Variants in GLI3 observed in about 807,000 individuals in gnomAD.
GLI3 encodes GLI family zinc finger 3.
GLI3 carries 20 observed loss-of-function variants against 100.8 expected under a neutral mutation model. That is an observed-to-expected ratio of 0.20 (90% confidence interval 0.14 to 0.29). The LOEUF is 0.29. GLI3 is among the 10% of genes least tolerant of loss of function. The probability of loss-of-function intolerance (pLI) is 1.00; values close to 1 mark genes in which losing one functional copy is unlikely to be tolerated. For synonymous variants in GLI3, 938 were observed against 860.5 expected, an observed-to-expected ratio of 1.09 and a Z score of -1.58; for missense variants, 2,040 against 2,128.5, an observed-to-expected ratio of 0.96 and a Z score of 0.82.
intron 7 of GLI3, among the ~76,000 whole-genome samples, chr7:42,027,889 A>G (rs2128732784): frequency 6.6e-6 from 1 of 152,338 alleles, no homozygotes; most frequent in Non-Finnish European, 1.5e-5. Flanking sequence ...GCAGCGTTAT[A>G]GTTACTGCCA....
intron 2 of GLI3, among the ~76,000 whole-genome samples, chr7:42,206,706 A>G (rs1304974922): frequency 1.3e-5 from 2 of 152,246 alleles, no homozygotes; most frequent in African/African-American, 4.8e-5. Context: ...TACTCTGTGT[A>G]TAACATCTGA....
chr7:42,193,845 G>A (rs562093177), intron 2 of GLI3, among the ~76,000 whole-genome samples: 10 of 152,196 alleles, frequency 6.6e-5, no homozygotes, highest in African/African-American at 9.6e-5. Context: ...AGTTATCCAC[G>A]TTACCTACAA....
chr7:42,165,964 G>A (rs1219857866), intron 2 of GLI3, among the ~76,000 whole-genome samples: 1 of 152,144 alleles, frequency 6.6e-6, no homozygotes, highest in Admixed American at 6.5e-5. Flanking sequence ...TAGTGAAAAT[G>A]GAAGCAAAGT....
intron 2 of GLI3, 197 bp downstream of exon 2, chr7:42,222,933 A>T (rs1474040728): frequency 4.8e-6 from 3 of 620,870 alleles, no homozygotes; most frequent in Non-Finnish European, 5.8e-6. Flanking sequence ...TTGGAAGTCA[A>T]CGTGTAGGTT....
chr7:42,052,408 A>T (rs1784370104), intron 4 of GLI3, among the ~76,000 whole-genome samples: 2 of 152,220 alleles, frequency 1.3e-5, no homozygotes. Flanking sequence ...TAGTAAAATC[A>T]TAAAGTCACA....
At chr7:42,047,624 G>C (rs1784270452) in intron 5 of GLI3, among the ~76,000 whole-genome samples, 1 of 152,192 alleles carries the variant, frequency 6.6e-6, no homozygotes, top group Non-Finnish European at 1.5e-5. Context: ...CAAAGGACCA[G>C]TTTATAAGTT....
intron 2 of GLI3, among the ~76,000 whole-genome samples, chr7:42,202,365 C>T (rs961486581): frequency 1.3e-5 from 2 of 151,396 alleles, no homozygotes; most frequent in African/African-American, 2.4e-5. Context: ...CACACACACA[C>T]ACACACACAC....
intron 3 of GLI3, among the ~76,000 whole-genome samples, chr7:42,078,489 C>G (rs577514455): frequency 6.6e-6 from 1 of 152,238 alleles, no homozygotes; most frequent in South Asian, 2.1e-4. Context: ...TGTAATTCTA[C>G]AGTTTACCAC....
At chr7:42,002,660 A>G (rs1009485529) in intron 10 of GLI3, among the ~76,000 whole-genome samples, 1 of 152,218 alleles carries the variant, frequency 6.6e-6, no homozygotes, top group African/African-American at 2.4e-5. Flanking sequence ...TAAAATATTT[A>G]AATCTCTATC....
intron 4 of GLI3, among the ~76,000 whole-genome samples, chr7:42,055,284 C>T (rs989344892): frequency 1.3e-5 from 2 of 152,062 alleles, no homozygotes; most frequent in Non-Finnish European, 2.9e-5. Flanking sequence ...CCTAGAAACA[C>T]CACGTGACCC....
At chr7:42,146,220 T>C (rs1379329789) in intron 3 of GLI3, among the ~76,000 whole-genome samples, 1 of 152,196 alleles carries the variant, frequency 6.6e-6, no homozygotes, top group East Asian at 1.9e-4. Context: ...AATAATCCAC[T>C]ATGAATGCTG....
intron 3 of GLI3, among the ~76,000 whole-genome samples, chr7:42,092,907 G>A (rs1221026344): frequency 1.3e-5 from 2 of 151,810 alleles, no homozygotes; most frequent in African/African-American, 2.4e-5. Flanking sequence ...TCCGTCTCTG[G>A]AGTTCAAGCA....
At chr7:42,071,106 C>T (rs1784775481) in intron 4 of GLI3, among the ~76,000 whole-genome samples, 1 of 152,118 alleles carries the variant, frequency 6.6e-6, no homozygotes, top group Non-Finnish European at 1.5e-5. Flanking sequence ...TATTTAGGAG[C>T]TACCATATGT....
intron 7 of GLI3, among the ~76,000 whole-genome samples, chr7:42,035,681 A>C (rs1407512453): frequency 2.6e-5 from 4 of 152,244 alleles, no homozygotes; most frequent in Non-Finnish European, 5.9e-5. Flanking sequence ...TTGCCGGAAG[A>C]CTACAGAAGA....
intron 7 of GLI3, among the ~76,000 whole-genome samples, chr7:42,034,290 C>T (rs1789374734): frequency 6.6e-6 from 1 of 152,162 alleles, no homozygotes; most frequent in Non-Finnish European, 1.5e-5. Context: ...ACTCAGAGTT[C>T]GACCCACCAG....
Position 42,148,332 on chromosome 7 carries a change from C to A in GLI3, c.261G>T (p.Lys87Asn). The change falls in exon 3 of 15, where the codon AAG becomes AAT. Residue 87 changes from lysine to asparagine, a missense_variant. By Grantham distance (94) the Lys-to-Asn change is moderately conservative (BLOSUM62 0). Transcript: ENST00000395925. ...GTGGCAGGGACCCATGGATCTCTTT[C>A]TTGATCAATGAGGCCCTCTCGTCAC... Reference protein sequence around the residue: ...TSSDERASLIKKEIHGSLPHV... With the variant: ...TSSDERASLINKEIHGSLPHV... 1 of 1,613,850 alleles carries A rather than the reference C, an allele frequency of 6.2e-7. No homozygotes were observed.
chr7:42,088,180 C>T (rs1403919804), intron 3 of GLI3, among the ~76,000 whole-genome samples: 1 of 152,242 alleles, frequency 6.6e-6, no homozygotes, highest in Non-Finnish European at 1.5e-5. Flanking sequence ...ACCTCAAAGA[C>T]ATTGGCTATG....
chr7:42,258,286 C>T (rs965614892), intron 1 of GLI3, among the ~76,000 whole-genome samples: 2 of 152,182 alleles, frequency 1.3e-5, no homozygotes, highest in African/African-American at 4.8e-5. Flanking sequence ...GTATGACCAA[C>T]ATTTTTAGCA....
chr7:42,142,832 G>A (rs545337722), intron 3 of GLI3, among the ~76,000 whole-genome samples: 29 of 151,230 alleles, frequency 1.9e-4, no homozygotes, highest in African/African-American at 2.9e-4. Flanking sequence ...CCAGCTACTC[G>A]GGAGGCTGAG....
Sources: allele counts gnomAD v4.1 joint callset (sites outside exome capture counted in the v4.1 genomes callset), GRCh38; gene constraint gnomAD v4.1.1; transcripts MANE v1.5; gene names NCBI Gene and HGNC (gene_info 2026-07-23, HGNC 2026-07-21).